PCNT: variants seen among roughly 807,000 people sequenced by gnomAD.
PCNT encodes the protein pericentrin, also known as kendrin.
PCNT carries 319 observed loss-of-function variants against 380.4 expected under a neutral mutation model. The observed-to-expected ratio is 0.84, with a 90% CI of 0.77 to 0.92. PCNT has a LOEUF of 0.92. Ranked by LOEUF, PCNT falls within the 40% of genes least tolerant of loss-of-function variation. PCNT has a pLI of 0.00. For synonymous variants in PCNT, 1,845 were observed against 1,735.2 expected (o/e 1.06, Z -1.57); for missense variants, 4,400 against 4,255.3 (o/e 1.03, Z -0.95).
At chr21:46,406,502 G>A (rs1303547764) in intron 27 of PCNT, among the ~76,000 whole-genome samples, 1 of 152,160 alleles carries the variant, frequency 6.6e-6, no homozygotes, top group Non-Finnish European at 1.5e-5. Context: ...ATGTATATTA[G>A]TAGCGTTTTG....
chr21:46,409,798 C>T (rs8129435), intron 27 of PCNT, among the ~76,000 whole-genome samples: 26,230 of 151,670 alleles, frequency 0.17, 4,125 homozygotes, highest in African/African-American at 0.42. Flanking sequence ...TGCACCGTGT[C>T]GGCCAGGCTG....
Position 46,388,938 on chromosome 21 carries a change from C to T in PCNT, c.3607+54C>T, listed in dbSNP as rs562370374. On this transcript the variant is annotated intron_variant, in intron 18 of 46. Coordinates refer to ENST00000359568, the MANE Select transcript of PCNT (RefSeq NM_006031.6). This position sits in a 1 kb window ranked among gnomAD's most constrained non-coding sequence, Gnocchi z 4.2. ...CCTGTGCTTGCAGCCCCTCTGTGGTCCTGGAGCTCTCTGAGAGGAGCCTCC... is the reference window on the plus strand; with the variant it reads ...CCTGTGCTTGCAGCCCCTCTGTGGTTCTGGAGCTCTCTGAGAGGAGCCTCC... 1.2e-4 allele frequency: 187 copies of T among 1,546,614 alleles called. No individual in the cohort carries two copies. The highest frequency in any genetic ancestry group is 1.5e-4 in the Non-Finnish European group (172 of 1,151,814).
At chr21:46,351,884 G>A (rs1005015787) in intron 9 of PCNT, among the ~76,000 whole-genome samples, 6 of 152,216 alleles carry the variant, frequency 3.9e-5, no homozygotes, top group Non-Finnish European at 8.8e-5. Context: ...GTCCAAGTGC[G>A]GGCTCACCTG....
intron 29 of PCNT, among the ~76,000 whole-genome samples, chr21:46,414,764 CCCT>C (rs4050291): frequency 2.5e-5 from 2 of 80,112 alleles, no homozygotes; most frequent in Non-Finnish European, 4.3e-5. Flanking sequence ...CAGCCGCCCA[CCCT>C]CCTCCTGGAC....
intron 32 of PCNT, 71 bp downstream of exon 32, chr21:46,422,195 C>G: frequency 6.3e-7 from 1 of 1,582,998 alleles, no homozygotes; most frequent in Admixed American, 1.7e-5. Flanking sequence ...GCCCTGTGTC[C>G]TGCCTTGCCG....
chr21:46,436,828 C>T, intron 39 of PCNT, 151 bp from the exon 40 acceptor site: 2 of 694,870 alleles, frequency 2.9e-6, no homozygotes, highest in South Asian at 1.5e-5. Flanking sequence ...CCGTGGGCCC[C>T]TGGCTCTGCC....
intron 15 of PCNT, among the ~76,000 whole-genome samples, chr21:46,373,166 G>GGGAC (rs2147025750): frequency 1.3e-5 from 2 of 151,750 alleles, no homozygotes; most frequent in South Asian, 4.2e-4. Flanking sequence ...GACTACAGAT[G>GGGAC]TGCACCACCA....
intron 1 of PCNT, 99 bp downstream of exon 1, chr21:46,324,381 G>A (rs1569148414): frequency 5.7e-6 from 6 of 1,048,796 alleles, no homozygotes; most frequent in Admixed American, 2.0e-5. Context: ...GACGCGGTCC[G>A]GCGGAAGCCG....
In PCNT at chr21:46,353,158, T is replaced by A; in HGVS notation, c.1511T>A (p.Leu504Gln). ...TCTCGTGTGGAAGATTTAGAACAGC[T>A]GAAGCAGCGAGAAAAAACCCAGCAT... ...RTSRVEDLEQ[L>Q]KQREKTQHES... The change falls in exon 10 of 47, where the codon CTG (leucine) becomes CAG (glutamine). Residue 504 changes from leucine (L) to glutamine (Q), a missense_variant. By Grantham distance (113) the Leu-to-Gln change is moderately radical. Coordinates refer to ENST00000359568, the MANE Select transcript of PCNT (RefSeq NM_006031.6). 1 of 1,614,056 alleles carries A rather than the reference T, an allele frequency of 6.2e-7. No homozygotes were observed. Among genetic ancestry groups the A allele is most frequent in the South Asian group, 1.1e-5 (1 of 91,084 alleles).
chr21:46,430,798 C>G, intron 37 of PCNT, 141 bp downstream of exon 37: 1 of 1,517,646 alleles, frequency 6.6e-7, no homozygotes, highest in Non-Finnish European at 8.8e-7. Flanking sequence ...CAGGATAGGG[C>G]TGTGTTTGCA....
chr21:46,438,831 CA>C (rs1170851871), intron 41 of PCNT, among the ~76,000 whole-genome samples: 1 of 151,984 alleles, frequency 6.6e-6, no homozygotes, highest in Non-Finnish European at 1.5e-5. Flanking sequence ...CGCCACCACA[CA>C]TGGCTAATTT....
At chr21:46,369,670 A>G (rs1050916677) in intron 15 of PCNT, among the ~76,000 whole-genome samples, 3 of 152,238 alleles carry the variant, frequency 2.0e-5, no homozygotes, top group Non-Finnish European at 2.9e-5. Flanking sequence ...TGTGTTTCAA[A>G]CCACGGCCTG....
At chr21:46,362,858 C>A (rs2084767499) in intron 13 of PCNT, among the ~76,000 whole-genome samples, 1 of 151,804 alleles carries the variant, frequency 6.6e-6, no homozygotes, top group Non-Finnish European at 1.5e-5. Flanking sequence ...GGGCGACAGA[C>A]CCTGTCTCAA....
chr21:46,414,209 C>G (rs1219104036), intron 29 of PCNT, among the ~76,000 whole-genome samples: 3 of 152,164 alleles, frequency 2.0e-5, no homozygotes, highest in African/African-American at 4.8e-5. Context: ...CCAGGCTGGT[C>G]TTGAACTCTT....
At chr21:46,324,357 C>A in intron 1 of PCNT, 75 bp downstream of exon 1, 1 of 1,256,458 alleles carries the variant, frequency 8.0e-7, no homozygotes, top group Non-Finnish European at 1.1e-6. Flanking sequence ...CGCCACCGCC[C>A]CCTGCCAGGA....
At chr21:46,412,357 G>A (rs564440373) in intron 28 of PCNT, among the ~76,000 whole-genome samples, 3 of 152,322 alleles carry the variant, frequency 2.0e-5, no homozygotes, top group East Asian at 3.9e-4. Context: ...CCAGTGAAAC[G>A]GAGCTCACTA....
intron 3 of PCNT, among the ~76,000 whole-genome samples, chr21:46,337,681 C>T (rs1167408551): frequency 6.6e-6 from 1 of 152,208 alleles, no homozygotes; most frequent in Non-Finnish European, 1.5e-5. Flanking sequence ...TTCCCGGATT[C>T]AAGCGATTCT....
chr21:46,439,931 G>C, intron 41 of PCNT, 152 bp from the exon 42 acceptor site: 2 of 846,170 alleles, frequency 2.4e-6, no homozygotes, highest in East Asian at 2.5e-5. Context: ...CCCTGCTGAG[G>C]GGGTGCTGAA....
intron 35 of PCNT, 128 bp downstream of exon 35, chr21:46,428,718 A>G (rs779253008): frequency 2.0e-5 from 17 of 867,744 alleles, no homozygotes; most frequent in East Asian, 1.6e-4. Context: ...GAGTGTTGCC[A>G]TGGTTGTCAG....
Sources: allele counts gnomAD v4.1 joint callset (sites outside exome capture counted in the v4.1 genomes callset), GRCh38; gene constraint gnomAD v4.1.1; non-coding constraint Gnocchi (gnomAD v3.1); transcripts MANE v1.5; gene names NCBI Gene and HGNC (gene_info 2026-07-23, HGNC 2026-07-21).